Variants in SLC22A15 observed in about 807,000 individuals in gnomAD.
SLC22A15 encodes solute carrier family 22 member 15, also known as flipt 1.
Under a neutral mutation model 62.7 loss-of-function variants are expected in SLC22A15, and 45 were observed. That is an observed-to-expected ratio of 0.72 (90% CI 0.56 to 0.92). The LOEUF is 0.92. SLC22A15 is among the 40% of genes least tolerant of loss of function. The pLI, the probability that SLC22A15 is intolerant of heterozygous loss-of-function variation, is 0.00. For synonymous variants in SLC22A15, 264 were observed against 267.0 expected, an observed-to-expected ratio of 0.99 and a Z score of 0.11; for missense variants, 622 against 665.6, an observed-to-expected ratio of 0.93 and a Z score of 0.72.
chr1:116,027,368 G>C (rs1365435036), intron 5 of SLC22A15: 2 of 522,730 alleles, frequency 3.8e-6, no homozygotes, highest in Non-Finnish European at 7.6e-6. Flanking sequence ...ACTGAGGTAT[G>C]ATTTTGTAGA....
rs145361800 is a variant in SLC22A15 at position 116,062,768 on chromosome 1, G to A, written c.1178G>A (p.Gly393Asp). The change falls in exon 9 of 12, where the codon GGT becomes GAT. Residue 393 changes from glycine (G) to aspartate (D), a missense_variant. By Grantham distance (94) the Gly-to-Asp change is moderately conservative. Coordinates refer to ENST00000369503, the MANE Select transcript of SLC22A15 (RefSeq NM_018420.3). The part of the protein sequence containing the change: ...VMFLPEKKDT[G>D]VFAVVNSHSL... ...TTGCCCTTGTCCTCCTCAGACACAGGTGTGTTTGCAGTGGTGAACAGCCAT... is the reference window on the plus strand; with the variant it reads ...TTGCCCTTGTCCTCCTCAGACACAGATGTGTTTGCAGTGGTGAACAGCCAT... 3 of 1,613,846 alleles carry A rather than the reference G, an allele frequency of 1.9e-6. No homozygotes were observed.
intron 1 of SLC22A15, among the ~76,000 whole-genome samples, chr1:115,985,128 A>C (rs1360589167): frequency 6.6e-6 from 1 of 152,206 alleles, no homozygotes; most frequent in Non-Finnish European, 1.5e-5. Context: ...TGACTCACGC[A>C]GGGCAACTTC....
intron 4 of SLC22A15, among the ~76,000 whole-genome samples, chr1:116,021,384 G>T (rs1414572213): frequency 6.6e-6 from 1 of 151,514 alleles, no homozygotes; most frequent in African/African-American, 2.4e-5. Context: ...AATTATTTTT[G>T]ACTATCCCAT....
At chr1:116,046,400 G>GA (rs149652907) in intron 8 of SLC22A15, among the ~76,000 whole-genome samples, 263 of 152,156 alleles carry the variant, frequency 1.7e-3, no homozygotes, top group Admixed American at 3.4e-3. Context: ...TAATAATAAG[G>GA]AAAAAATAGG....
At chr1:116,039,150 G>A (rs1035791086) in intron 8 of SLC22A15, among the ~76,000 whole-genome samples, 16 of 152,154 alleles carry the variant, frequency 1.1e-4, no homozygotes, top group East Asian at 9.6e-4. Flanking sequence ...AAGAAACAGC[G>A]TAGCAGAGTA....
intron 6 of SLC22A15, among the ~76,000 whole-genome samples, chr1:116,033,025 T>C (rs1344421476): frequency 6.6e-6 from 1 of 152,222 alleles, no homozygotes. Flanking sequence ...ATTTTATTTC[T>C]TACACAGCCA....
intron 2 of SLC22A15, among the ~76,000 whole-genome samples, chr1:115,998,192 G>T (rs1345371176): frequency 1.3e-5 from 2 of 152,022 alleles, no homozygotes; most frequent in Non-Finnish European, 2.9e-5. Flanking sequence ...CTAGTATTTT[G>T]TTGAGAATTT....
Position 116,067,082 on chromosome 1 carries a change from G to A in SLC22A15, c.1618G>A (p.Asp540Asn). The A allele has an allele frequency of 6.2e-7, 1 of 1,612,100 alleles. No homozygotes were observed. The highest frequency in any genetic ancestry group is 8.5e-7 in the Non-Finnish European group (1 of 1,179,218). The change falls in exon 12 of 12, where the codon GAT becomes AAT. Residue 540 changes from aspartate (D) to asparagine (N), a missense_variant. Asp to Asn is a conservative substitution (Grantham distance 23). Transcript: ENST00000369503. ...SEEEEEFYDA[D>N]EETQMIK The stretch of plus-strand genomic sequence containing the variant: ...GGAAGAGGAAGAATTTTATGATGCA[G>A]ATGAAGAGACTCAGATGATCAAGTG...
intron 8 of SLC22A15, among the ~76,000 whole-genome samples, chr1:116,050,099 T>C (rs1420002254): frequency 1.3e-5 from 2 of 152,134 alleles, no homozygotes; most frequent in African/African-American, 2.4e-5. Context: ...ATTGAAATGG[T>C]AATTTAAAAA....
At chr1:116,020,404 A>T (rs961943758) in intron 3 of SLC22A15, among the ~76,000 whole-genome samples, 2 of 151,664 alleles carry the variant, frequency 1.3e-5, no homozygotes, top group Non-Finnish European at 2.9e-5. Context: ...ATACAAAAAA[A>T]ATTTAACCAG....
chr1:116,004,170 CTT>C (rs35357233), intron 2 of SLC22A15, among the ~76,000 whole-genome samples: 1 of 152,196 alleles, frequency 6.6e-6, no homozygotes, highest in African/African-American at 2.4e-5. Flanking sequence ...TCTCCCATCT[CTT>C]TGGCTGCAGC....
intron 8 of SLC22A15, among the ~76,000 whole-genome samples, chr1:116,042,821 G>A (rs1657825557): frequency 6.6e-6 from 1 of 152,076 alleles, no homozygotes; most frequent in African/African-American, 2.4e-5. Flanking sequence ...ACAACCAATA[G>A]GACCTGATTT....
chr1:115,992,166 T>A lies in SLC22A15; in HGVS notation c.223T>A (p.Trp75Arg). The A allele has an allele frequency of 6.2e-7, 1 of 1,612,846 alleles. No individual in the cohort carries two copies. Residue 75 changes from tryptophan to arginine, a missense_variant, in exon 2 of 12, where the codon TGG (tryptophan) becomes AGG (arginine). Transcript: ENST00000369503. ...TGGTGAAGACCAGGCCTTTGGGGAC[T>A]GGCTCCTGACAGCCAACGGCAGTGA... ...SAGEDQAFGD[W>R]LLTANGSEIH...
Position 116,020,720 on chromosome 1 carries a change from G to T in SLC22A15, c.434-1G>T. On this transcript the variant is annotated splice_acceptor_variant, in intron 3 of 11. Coordinates refer to ENST00000369503, the MANE Select transcript of SLC22A15 (RefSeq NM_018420.3). LOFTEE classifies it high-confidence loss of function. ...TATTGAATATTGTTTTCTCTTTCTAGGTTTTGCTCTTGACATCTTATTTGC... is the reference window on the plus strand; with the variant it reads ...TATTGAATATTGTTTTCTCTTTCTATGTTTTGCTCTTGACATCTTATTTGC... 6.2e-7 allele frequency: 1 copy of T among 1,606,384 alleles called. No homozygotes were observed. Among genetic ancestry groups the T allele is most frequent in the South Asian group, 1.1e-5 (1 of 90,008 alleles).
chr1:116,045,636 G>A (rs1345460132), intron 8 of SLC22A15, among the ~76,000 whole-genome samples: 1 of 150,820 alleles, frequency 6.6e-6, no homozygotes, highest in Non-Finnish European at 1.5e-5. Context: ...CTACTCCGGA[G>A]GCTGAGGCAG....
At chr1:116,021,510 A>C (rs1291139453) in intron 4 of SLC22A15, among the ~76,000 whole-genome samples, 1 of 152,232 alleles carries the variant, frequency 6.6e-6, no homozygotes, top group Non-Finnish European at 1.5e-5. Context: ...TTAGGTTTGC[A>C]ATGATAACTT....
chr1:116,004,426 T>C (rs1655878486), intron 2 of SLC22A15, among the ~76,000 whole-genome samples: 1 of 152,222 alleles, frequency 6.6e-6, no homozygotes, highest in African/African-American at 2.4e-5. Flanking sequence ...ATATTGAATT[T>C]TGTCAAATAC....
intron 1 of SLC22A15, among the ~76,000 whole-genome samples, chr1:115,984,813 T>A (rs76308713): frequency 0.017 from 2,496 of 151,254 alleles, 36 homozygotes; most frequent in Non-Finnish European, 0.027. Context: ...GGCTAATGTG[T>A]GTGTGTCTTA....
intron 4 of SLC22A15, among the ~76,000 whole-genome samples, chr1:116,023,497 T>C (rs1656942026): frequency 6.6e-6 from 1 of 152,236 alleles, no homozygotes; most frequent in South Asian, 2.1e-4. Context: ...TTGCTATGTA[T>C]GCTTCCAGAG....
Sources: allele counts gnomAD v4.1 joint callset (sites outside exome capture counted in the v4.1 genomes callset), GRCh38; gene constraint gnomAD v4.1.1; transcripts MANE v1.5; gene names NCBI Gene and HGNC (gene_info 2026-07-23, HGNC 2026-07-21).